DLGAP2: variants seen among roughly 807,000 people sequenced by gnomAD.
DLGAP2 encodes the protein DLG associated protein 2, also known as disks large-associated protein 2.
A neutral mutation model predicts 100.3 loss-of-function variants in DLGAP2; 26 were observed. The ratio of observed to expected loss-of-function variants is 0.26; its 90% CI spans 0.19 to 0.36. The LOEUF (loss-of-function observed/expected upper bound fraction) is 0.36. Ranked by LOEUF, DLGAP2 falls within the 10% of genes least tolerant of loss-of-function variation. The probability of loss-of-function intolerance (pLI) is 1.00; values close to 1 mark genes in which losing one functional copy is unlikely to be tolerated. For synonymous variants in DLGAP2, 886 were observed against 630.1 expected (o/e 1.41, Z -6.08); for missense variants, 1,858 against 1,453.2 (o/e 1.28, Z -4.53).
Position 1,565,875 on chromosome 8 carries a change from C to G in DLGAP2, c.1423C>G (p.Pro475Ala). ...GCTGCTGAAGTCCATCGGACAGAGACCGCTTGGAGAGCACCAGACGTAAGT... is the reference window on the plus strand; with the variant it reads ...GCTGCTGAAGTCCATCGGACAGAGAGCGCTTGGAGAGCACCAGACGTAAGT... ...EPLLKSIGQR[P>A]LGEHQTQTYL... Residue 475 changes from proline (P) to alanine (A), a missense_variant, in exon 6 of 15, where the codon CCG (proline) becomes GCG (alanine). Transcript: ENST00000637795. 1 of 1,608,672 alleles carries G rather than the reference C, an allele frequency of 6.2e-7. No individual in the cohort carries two copies. The highest frequency in any genetic ancestry group is 8.5e-7 in the Non-Finnish European group (1 of 1,177,516).
intron 1 of DLGAP2, among the ~76,000 whole-genome samples, chr8:822,571 T>C (rs1796603421): frequency 6.6e-6 from 1 of 152,218 alleles, no homozygotes; most frequent in Non-Finnish European, 1.5e-5. Flanking sequence ...GCCACGTCAC[T>C]GCGTGTGCTC....
At chr8:1,428,773 T>A (rs1381896372) in intron 3 of DLGAP2, among the ~76,000 whole-genome samples, 6 of 152,214 alleles carry the variant, frequency 3.9e-5, no homozygotes, top group Non-Finnish European at 8.8e-5. Flanking sequence ...AGAGGCCATG[T>A]GGCTCATATC....
At chr8:1,639,664 C>T (rs1423663824) in intron 8 of DLGAP2, among the ~76,000 whole-genome samples, 2 of 152,228 alleles carry the variant, frequency 1.3e-5, no homozygotes, top group Admixed American at 6.5e-5. Context: ...TGTGCCGTCT[C>T]ACAGTCACAG....
At chr8:1,334,236 C>T (rs777474755) in intron 3 of DLGAP2, among the ~76,000 whole-genome samples, 2 of 152,210 alleles carry the variant, frequency 1.3e-5, no homozygotes, top group Non-Finnish European at 2.9e-5. Flanking sequence ...GGCTGCACAC[C>T]TGAGCTGGTT....
chr8:869,697 G>A (rs1465904489), intron 1 of DLGAP2, among the ~76,000 whole-genome samples: 1 of 152,194 alleles, frequency 6.6e-6, no homozygotes, highest in African/African-American at 2.4e-5. Flanking sequence ...ACCGTAGTTG[G>A]AACATTCGGG....
intron 2 of DLGAP2, among the ~76,000 whole-genome samples, chr8:1,117,977 A>G (rs1391649326): frequency 1.3e-5 from 2 of 152,242 alleles, no homozygotes; most frequent in Non-Finnish European, 2.9e-5. Flanking sequence ...TCCAGATGGA[A>G]TAGTTCCAAT....
intron 2 of DLGAP2, among the ~76,000 whole-genome samples, chr8:1,149,382 C>T (rs551913567): frequency 1.6e-4 from 25 of 152,238 alleles, no homozygotes; most frequent in African/African-American, 5.1e-4. Flanking sequence ...CTCCGGACCT[C>T]GTGATCCGCT....
At chr8:920,258 C>T (rs562483933) in intron 2 of DLGAP2, among the ~76,000 whole-genome samples, 42 of 152,332 alleles carry the variant, frequency 2.8e-4, no homozygotes, top group Admixed American at 2.0e-3. Flanking sequence ...GGCACTTACC[C>T]AAATTCTGGG....
At chr8:1,506,857 A>G (rs1165682799) in intron 4 of DLGAP2, among the ~76,000 whole-genome samples, 2 of 152,240 alleles carry the variant, frequency 1.3e-5, no homozygotes. Context: ...AGCTAGACAC[A>G]GAGCATAGAT....
At chr8:1,515,778 C>A (rs1215172119) in intron 4 of DLGAP2, among the ~76,000 whole-genome samples, 7 of 152,164 alleles carry the variant, frequency 4.6e-5, no homozygotes, top group African/African-American at 1.7e-4. Context: ...ACAACACATA[C>A]AACACACCTG....
At chr8:1,339,043 G>T (rs1801357928) in intron 3 of DLGAP2, among the ~76,000 whole-genome samples, 2 of 152,028 alleles carry the variant, frequency 1.3e-5, no homozygotes, top group Admixed American at 6.5e-5. Flanking sequence ...ACCTGGCAGG[G>T]AATGCAGTGA....
chr8:1,144,899 C>G (rs1229332840), intron 2 of DLGAP2, among the ~76,000 whole-genome samples: 1 of 151,748 alleles, frequency 6.6e-6, no homozygotes, highest in African/African-American at 2.4e-5. Context: ...TACCCACAGT[C>G]AAACCGCAGA....
At chr8:946,327 G>T (rs186631519) in intron 2 of DLGAP2, among the ~76,000 whole-genome samples, 2 of 150,774 alleles carry the variant, frequency 1.3e-5, no homozygotes, top group Non-Finnish European at 2.9e-5. Flanking sequence ...GCAGTGGTGC[G>T]ATCTGGGCTC....
chr8:1,652,045 A>G (rs1262896662), intron 8 of DLGAP2, among the ~76,000 whole-genome samples: 1 of 152,232 alleles, frequency 6.6e-6, no homozygotes, highest in African/African-American at 2.4e-5. Flanking sequence ...TTCCTTGAGA[A>G]TTAAGTTGGT....
intron 3 of DLGAP2, among the ~76,000 whole-genome samples, chr8:1,326,605 G>A (rs527953429): frequency 1.2e-4 from 19 of 152,160 alleles, no homozygotes; most frequent in African/African-American, 2.6e-4. Flanking sequence ...GCGCGTGCTC[G>A]GTCTCAGTCT....
chr8:1,206,488 G>A (rs1361845312), intron 2 of DLGAP2, among the ~76,000 whole-genome samples: 116 of 145,262 alleles, frequency 8.0e-4, no homozygotes, highest in African/African-American at 1.0e-3. Context: ...CCATCCGTGG[G>A]CGGGGGTAGA....
chr8:826,479 C>T (rs528401448), intron 1 of DLGAP2, among the ~76,000 whole-genome samples: 5 of 152,254 alleles, frequency 3.3e-5, no homozygotes, highest in East Asian at 3.9e-4. Context: ...CTGAGGTCAG[C>T]GATGTGAGAC....
intron 3 of DLGAP2, among the ~76,000 whole-genome samples, chr8:1,486,410 G>A (rs1799238019): frequency 6.6e-6 from 1 of 152,218 alleles, no homozygotes; most frequent in African/African-American, 2.4e-5. Flanking sequence ...CTCTGGATCT[G>A]TGTTGTTTAT....
chr8:1,425,689 T>A (rs1797219202), intron 3 of DLGAP2, among the ~76,000 whole-genome samples: 1 of 152,052 alleles, frequency 6.6e-6, no homozygotes, highest in Non-Finnish European at 1.5e-5. Flanking sequence ...AAGATGAGGC[T>A]CCTGTCCTGT....
Sources: allele counts gnomAD v4.1 joint callset (sites outside exome capture counted in the v4.1 genomes callset), GRCh38; gene constraint gnomAD v4.1.1; transcripts MANE v1.5; gene names NCBI Gene and HGNC (gene_info 2026-07-23, HGNC 2026-07-21).